VPS50: variants seen among roughly 807,000 people sequenced by gnomAD.
The protein encoded by VPS50 is syndetin.
A neutral mutation model predicts 139.7 loss-of-function variants in VPS50; 70 were observed. The observed-to-expected ratio is 0.50, with a 90% CI of 0.41 to 0.61. The LOEUF (loss-of-function observed/expected upper bound fraction) is 0.61. Ranked by LOEUF, VPS50 falls within the 20% of genes least tolerant of loss-of-function variation. The probability of loss-of-function intolerance (pLI) is 0.00; values close to 1 mark genes in which losing one functional copy is unlikely to be tolerated. For missense variants in VPS50, 921 were observed against 1,133.7 expected (o/e 0.81, Z 2.69); for synonymous variants, 365 against 376.7 (o/e 0.97, Z 0.36).
intron 21 of VPS50, 196 bp from the exon 22 acceptor site, chr7:93,333,921 C>T: frequency 3.9e-6 from 2 of 518,878 alleles, no homozygotes; most frequent in South Asian, 4.5e-5. Flanking sequence ...TATAAATGCA[C>T]ACAGGTAAAT....
intron 23 of VPS50, among the ~76,000 whole-genome samples, chr7:93,342,712 G>A (rs1377422185): frequency 6.6e-6 from 1 of 152,220 alleles, no homozygotes. Flanking sequence ...GCACCCCCCA[G>A]CAGGGGCACA....
rs780050855 is a variant in VPS50, at chr7:93,305,944, A to G, written c.1569A>G (p.Pro523=). 1.2e-6 allele frequency: 2 copies of G among 1,612,534 alleles called. No homozygotes were observed. Among genetic ancestry groups the G allele is most frequent in the Non-Finnish European group, 1.7e-6 (2 of 1,178,866 alleles). The change falls in exon 18 of 28, where the codon CCA becomes CCG. Residue 523 remains proline, a synonymous_variant. Transcript: ENST00000305866. Reference sequence around the variant, plus strand: ...AGCAGTACTGTAGTGGTGGGAATCCATTTGAAATTCAGGCCAACCACAAAG... The same window carrying G: ...AGCAGTACTGTAGTGGTGGGAATCCGTTTGAAATTCAGGCCAACCACAAAG... ...LFEQYCSGGN[P]FEIQANHKDE...
At chr7:93,262,196 G>T (rs938705787) in intron 9 of VPS50, among the ~76,000 whole-genome samples, 1 of 152,148 alleles carries the variant, frequency 6.6e-6, no homozygotes, top group Non-Finnish European at 1.5e-5. Flanking sequence ...CGTGGAATTT[G>T]GTGGCAGGAA....
chr7:93,267,397 T>C (rs1161927148), intron 9 of VPS50, among the ~76,000 whole-genome samples: 1 of 152,218 alleles, frequency 6.6e-6, no homozygotes, highest in African/African-American at 2.4e-5. Flanking sequence ...CCTTTCCTGC[T>C]GTCTCTGTAG....
intron 12 of VPS50, 82 bp downstream of exon 12, chr7:93,276,387 T>G: frequency 1.4e-6 from 2 of 1,404,794 alleles, no homozygotes; most frequent in Non-Finnish European, 1.9e-6. Context: ...TACATACCTA[T>G]TTGAAAATGC....
In VPS50 at chr7:93,312,965, C is replaced by T. The variant is rs747199180; in HGVS notation, c.1855+1693C>T. Among the ~76,000 whole-genome samples, 6 of 152,308 alleles carry T rather than the reference C, an allele frequency of 3.9e-5. No individual in the cohort carries two copies. The South Asian group carries it at 6.2e-4, about 16-fold the overall frequency. On this transcript the variant is annotated intron_variant, in intron 20 of 27. Transcript: ENST00000305866. ...CTTTTGCTAGATTATGTTGAAGTAACAAGCAACTGTTGGTGCATCAAGACG... is the reference window on the plus strand; with the variant it reads ...CTTTTGCTAGATTATGTTGAAGTAATAAGCAACTGTTGGTGCATCAAGACG...
intron 21 of VPS50, among the ~76,000 whole-genome samples, chr7:93,324,995 C>A (rs1284219851): frequency 1.3e-5 from 2 of 152,154 alleles, no homozygotes; most frequent in South Asian, 2.1e-4. Context: ...CAAGTCAATC[C>A]TAAGCCAAAA....
Position 93,323,685 on chromosome 7 carries a change from G to T in VPS50, c.1930G>T (p.Asp644Tyr). The T allele has an allele frequency of 2.1e-6, 3 of 1,412,000 alleles. No individual in the cohort carries two copies. The highest frequency in any genetic ancestry group is 1.9e-6 in the Non-Finnish European group (2 of 1,042,778). The allele number at this position is 1,412,000 out of a possible 1,614,324, so 87.5% of individuals were successfully genotyped here. The part of the protein sequence containing the change: ...DVIHFMSQLF[D>Y]YYLYAIYTFF... ...TATTCATTTCATGTCTCAACTATTT[G>T]ATTATTACTTGTATGCAATATATAC... Residue 644 changes from aspartate (D) to tyrosine (Y), a missense_variant, in exon 21 of 28, where the codon GAT (aspartate) becomes TAT (tyrosine). Asp to Tyr is a radical substitution (Grantham distance 160). Transcript: ENST00000305866.
At chr7:93,328,564 G>T (rs190111036) in intron 21 of VPS50, among the ~76,000 whole-genome samples, 1 of 152,170 alleles carries the variant, frequency 6.6e-6, no homozygotes, top group African/African-American at 2.4e-5. Flanking sequence ...ATTTGAAGAC[G>T]CTGGAGAGTA....
chr7:93,264,969 C>T (rs971711795), intron 9 of VPS50, among the ~76,000 whole-genome samples: 1 of 152,116 alleles, frequency 6.6e-6, no homozygotes, highest in African/African-American at 2.4e-5. Flanking sequence ...TTTTCTCTGC[C>T]TCCCTCTGCC....
At chr7:93,240,823 C>T (rs1221659411) in intron 2 of VPS50, among the ~76,000 whole-genome samples, 3 of 152,104 alleles carry the variant, frequency 2.0e-5, no homozygotes, top group East Asian at 3.9e-4. Flanking sequence ...TTTCAGGTGC[C>T]TTACCTGCTA....
chr7:93,344,881 G>T (rs1320271177), intron 23 of VPS50, among the ~76,000 whole-genome samples: 1 of 151,952 alleles, frequency 6.6e-6, no homozygotes, highest in African/African-American at 2.4e-5. Flanking sequence ...AAGCAGGAAA[G>T]ATCCAAAATT....
At chr7:93,292,923 A>G (rs895790775) in intron 13 of VPS50, among the ~76,000 whole-genome samples, 3 of 152,082 alleles carry the variant, frequency 2.0e-5, no homozygotes, top group Admixed American at 6.6e-5. Context: ...CAAAACTTAT[A>G]CTTTTACCCT....
intron 2 of VPS50, among the ~76,000 whole-genome samples, chr7:93,240,414 A>G (rs1794953833): frequency 6.6e-6 from 1 of 152,166 alleles, no homozygotes; most frequent in South Asian, 2.1e-4. Flanking sequence ...AAACCATAGT[A>G]TTTATACTGA....
chr7:93,299,527 A>G (rs187496933), intron 16 of VPS50, among the ~76,000 whole-genome samples: 34 of 152,308 alleles, frequency 2.2e-4, no homozygotes, highest in Non-Finnish European at 4.3e-4. Context: ...GCTCTTGAGA[A>G]TGAAGAAATT....
At chr7:93,355,689 A>G (rs1176035196) in intron 26 of VPS50, among the ~76,000 whole-genome samples, 2 of 152,278 alleles carry the variant, frequency 1.3e-5, no homozygotes, top group African/African-American at 4.8e-5. Context: ...AAATGAGAAA[A>G]CTGAGGCCCG....
rs754143056 is a variant in VPS50, at chr7:93,311,166, T to G, written c.1749T>G (p.Ser583Arg). The change falls in exon 20 of 28, where the codon AGT becomes AGG. Residue 583 changes from serine to arginine, a missense_variant and splice_region_variant. By Grantham distance (110) the Ser-to-Arg change is moderately radical. Transcript: ENST00000305866. ...CTCTGTTTTGTTTTTCCATATCAAG[T>G]GTTTCTCGGGAAACTCTAAAAAGCA... ...DEQTGDGPVK[S>R]VSRETLKSRK... The G allele has an allele frequency of 8.8e-7, 1 of 1,132,220 alleles. No individual in the cohort carries two copies. Among genetic ancestry groups the G allele is most frequent in the Non-Finnish European group, 1.4e-6 (1 of 740,066 alleles). The allele number at this position is 1,132,220 out of a possible 1,614,324, so 70.1% of individuals were successfully genotyped here.
intron 19 of VPS50, among the ~76,000 whole-genome samples, chr7:93,309,160 G>A (rs137999285): frequency 2.4e-4 from 36 of 152,022 alleles, no homozygotes; most frequent in African/African-American, 8.4e-4. Flanking sequence ...AACTAAAATA[G>A]TTATATGAAA....
chr7:93,274,981 C>T (rs1408560560), intron 11 of VPS50, among the ~76,000 whole-genome samples: 7 of 152,140 alleles, frequency 4.6e-5, no homozygotes, highest in Admixed American at 4.6e-4. Context: ...TTCATGATGA[C>T]TTTGAGGGGT....
Sources: gnomAD v4.1 joint callset for allele counts (sites outside exome capture counted in the v4.1 genomes callset) on GRCh38, gnomAD v4.1.1 for gene constraint, MANE v1.5 for transcripts, NCBI Gene and HGNC (gene_info 2026-07-23, HGNC 2026-07-21) for gene names.